PTPRK: variants seen among roughly 807,000 people sequenced by gnomAD.
PTPRK encodes receptor-type tyrosine-protein phosphatase kappa.
PTPRK carries 75 observed loss-of-function variants against 178.0 expected under a neutral mutation model. The ratio of observed to expected loss-of-function variants is 0.42; its 90% CI spans 0.35 to 0.51. The LOEUF (loss-of-function observed/expected upper bound fraction) is 0.51. Among genes scored for constraint, PTPRK ranks in the 20% least tolerant of loss-of-function variants. The pLI is 0.02. For synonymous variants in PTPRK, 637 were observed against 620.6 expected, an observed-to-expected ratio of 1.03 and a Z score of -0.39; for missense variants, 1,441 against 1,797.8, an observed-to-expected ratio of 0.80 and a Z score of 3.59.
intron 6 of PTPRK, among the ~76,000 whole-genome samples, chr6:128,204,511 T>C (rs545886960): frequency 1.3e-5 from 2 of 152,204 alleles, no homozygotes; most frequent in Non-Finnish European, 2.9e-5. Flanking sequence ...ATTTTTGCAA[T>C]CTATCCATCT....
chr6:128,107,378 A>G (rs1470049742), intron 7 of PTPRK, among the ~76,000 whole-genome samples: 3 of 152,138 alleles, frequency 2.0e-5, no homozygotes, highest in African/African-American at 4.8e-5. Context: ...AAGGAAAACT[A>G]TAATTCAATT....
At chr6:128,118,136 A>C (rs1055663688) in intron 7 of PTPRK, among the ~76,000 whole-genome samples, 3 of 152,174 alleles carry the variant, frequency 2.0e-5, no homozygotes, top group African/African-American at 7.2e-5. Flanking sequence ...CAATAATACC[A>C]ATACATAATA....
At chr6:128,154,377 G>C (rs868562129) in intron 7 of PTPRK, among the ~76,000 whole-genome samples, 2 of 151,666 alleles carry the variant, frequency 1.3e-5, no homozygotes, top group African/African-American at 4.8e-5. Flanking sequence ...TCAGCCATTA[G>C]TATCTGTAAA....
chr6:128,220,735 T>C (rs529163245), intron 5 of PTPRK, among the ~76,000 whole-genome samples: 15 of 152,208 alleles, frequency 9.9e-5, no homozygotes, highest in Non-Finnish European at 1.5e-4. Context: ...TTGTGAAATA[T>C]GGAAAATATC....
At chr6:128,195,514 A>T (rs1361123168) in intron 6 of PTPRK, among the ~76,000 whole-genome samples, 1 of 150,634 alleles carries the variant, frequency 6.6e-6, no homozygotes, top group African/African-American at 2.5e-5. Context: ...TAATCAGGGG[A>T]ATTATTATCT....
At chr6:128,036,199 G>A (rs926757600) in intron 13 of PTPRK, among the ~76,000 whole-genome samples, 34 of 152,142 alleles carry the variant, frequency 2.2e-4, no homozygotes, top group African/African-American at 7.5e-4. Flanking sequence ...TTCTCCCAGG[G>A]CTGTGAGAGA....
At position 128,496,017 on chromosome 6, in the gene PTPRK, TA is replaced by T. The variant is rs200633405; in HGVS notation, c.100+24241del. 8.3e-3 allele frequency among the ~76,000 whole-genome samples: 1,265 copies of T among 152,334 alleles called. 14 individuals carry two copies. The highest frequency in any genetic ancestry group is 0.029 in the African/African-American group (1,224 of 41,574). The stretch of plus-strand genomic sequence containing the variant: ...AAGACACATTCTTCTAAACCCCCTA[TA>T]TTTTTTTCTGGACTTTCCAAACTTA... On this transcript the variant is annotated intron_variant, in intron 1 of 29. Coordinates refer to ENST00000368226, the MANE Select transcript of PTPRK (RefSeq NM_002844.4).
At chr6:128,067,341 G>A (rs751514708) in intron 12 of PTPRK, 178 bp downstream of exon 12, 3 of 511,138 alleles carry the variant, frequency 5.9e-6, no homozygotes, top group South Asian at 9.0e-5. Flanking sequence ...TGGAACTGGC[G>A]TGCGGCCTCA....
intron 7 of PTPRK, among the ~76,000 whole-genome samples, chr6:128,115,699 C>A (rs904218887): frequency 6.6e-6 from 1 of 151,850 alleles, no homozygotes; most frequent in Admixed American, 6.6e-5. Context: ...AAAGGGATTT[C>A]AAAAAGTAAT....
chr6:128,114,851 G>A (rs956007137), intron 7 of PTPRK, among the ~76,000 whole-genome samples: 1 of 151,896 alleles, frequency 6.6e-6, no homozygotes, highest in African/African-American at 2.4e-5. Context: ...TGAAATAAAG[G>A]CATGCCAGGA....
At chr6:128,359,666 C>T (rs1252752082) in intron 2 of PTPRK, among the ~76,000 whole-genome samples, 1 of 151,968 alleles carries the variant, frequency 6.6e-6, no homozygotes, top group Non-Finnish European at 1.5e-5. Context: ...ACAGAAGAAT[C>T]GCTTGAACCT....
intron 10 of PTPRK, among the ~76,000 whole-genome samples, chr6:128,079,300 T>C (rs568445738): frequency 3.0e-4 from 45 of 152,108 alleles, no homozygotes; most frequent in Middle Eastern, 3.4e-3. Flanking sequence ...TCAGGAGCTA[T>C]GAACAGCAAG....
intron 1 of PTPRK, among the ~76,000 whole-genome samples, chr6:128,492,560 C>T (rs1853977388): frequency 6.6e-6 from 1 of 152,092 alleles, no homozygotes; most frequent in African/African-American, 2.4e-5. Context: ...CCAAGAGAAG[C>T]TGTAACATGG....
intron 15 of PTPRK, chr6:128,003,346 T>G (rs956366722): frequency 1.1e-5 from 12 of 1,063,584 alleles, no homozygotes; most frequent in Non-Finnish European, 4.1e-6. Context: ...TTAAACTTTC[T>G]CAGATTACTG....
At chr6:128,413,533 T>G (rs2128380889) in intron 1 of PTPRK, among the ~76,000 whole-genome samples, 1 of 152,288 alleles carries the variant, frequency 6.6e-6, no homozygotes, top group Admixed American at 6.5e-5. Flanking sequence ...CTCTTCATCT[T>G]AAGAAAGGAC....
At chr6:128,384,011 T>C (rs568457278) in intron 2 of PTPRK, among the ~76,000 whole-genome samples, 135 of 152,362 alleles carry the variant, frequency 8.9e-4, no homozygotes, top group Admixed American at 1.7e-3. Flanking sequence ...ACAGCTATTA[T>C]TGAATTTATT....
intron 3 of PTPRK, among the ~76,000 whole-genome samples, chr6:128,289,913 T>C (rs1334610746): frequency 6.6e-6 from 1 of 152,176 alleles, no homozygotes; most frequent in African/African-American, 2.4e-5. Context: ...ATCTTTGCAC[T>C]GCATAAATGT....
intron 2 of PTPRK, among the ~76,000 whole-genome samples, chr6:128,375,078 T>TTATTATTATTAG (rs1562385119): frequency 2.0e-5 from 3 of 146,968 alleles, no homozygotes; most frequent in African/African-American, 7.4e-5. Flanking sequence ...ATTATTATTA[T>TTATTATTATTAG]TATTATTATT....
chr6:127,976,500 T>C (rs1390974840), intron 27 of PTPRK, among the ~76,000 whole-genome samples, 157 bp downstream of exon 27: 2 of 152,232 alleles, frequency 1.3e-5, no homozygotes, highest in African/African-American at 4.8e-5. Flanking sequence ...CCTGTATTTT[T>C]ATTCGAGTAC....
Sources: gnomAD v4.1 joint callset for allele counts (sites outside exome capture counted in the v4.1 genomes callset) on GRCh38, gnomAD v4.1.1 for gene constraint, MANE v1.5 for transcripts, NCBI Gene and HGNC (gene_info 2026-07-23, HGNC 2026-07-21) for gene names.